Variants in AP2A2 observed in about 807,000 individuals in gnomAD.
AP2A2 encodes AP-2 complex subunit alpha-2.
AP2A2 carries 32 observed loss-of-function variants against 104.2 expected under a neutral mutation model. The ratio of observed to expected loss-of-function variants is 0.31; its 90% CI spans 0.23 to 0.41. AP2A2 has a LOEUF of 0.41. AP2A2 is among the 10% of genes least tolerant of loss of function. The pLI, the probability that AP2A2 is intolerant of heterozygous loss-of-function variation, is 1.00. For synonymous variants in AP2A2, 539 were observed against 533.3 expected (o/e 1.01, Z -0.15); for missense variants, 912 against 1,261.0 (o/e 0.72, Z 4.19).
intron 9 of AP2A2, among the ~76,000 whole-genome samples, chr11:987,661 A>G (rs1855508694): frequency 2.0e-5 from 3 of 152,210 alleles, no homozygotes; most frequent in African/African-American, 7.2e-5. Flanking sequence ...TCTCAAAAAA[A>G]AAAAAAAATT....
intron 1 of AP2A2, among the ~76,000 whole-genome samples, chr11:955,564 T>C (rs930978518): frequency 6.6e-6 from 1 of 152,096 alleles, no homozygotes; most frequent in African/African-American, 2.4e-5. Flanking sequence ...TGTGTCTGTG[T>C]TTTGTTAAAG....
chr11:1,009,669 GTTTC>G lies in AP2A2; in HGVS notation c.2608-10_2608-7del. ...CCCGCGCCAGGGTCCTCATTCTCCT[GTTTC>G]TTTGGACAGATCATTGGATTTGGTT... On this transcript the variant is annotated splice_polypyrimidine_tract_variant and intron_variant, in intron 20 of 21. Transcript: ENST00000448903. 6.4e-7 allele frequency: 1 copy of G among 1,557,550 alleles called. No homozygotes were observed. Among genetic ancestry groups the G allele is most frequent in the Non-Finnish European group, 8.7e-7 (1 of 1,146,060 alleles).
Position 985,568 on chromosome 11 carries a change from CATTCACCATGACAGGTGTGTCGG to C in AP2A2, c.949_962+9del, listed in dbSNP as rs1855424423. The stretch of plus-strand genomic sequence containing the variant: ...TGCTCTTCGAGGCCATCAGCTTAAT[CATTCACCATGACAGGTGTGTCGG>C]CTGCCTGTGGAGAGGCTTCGTCTCG... On this transcript the variant is annotated splice_donor_variant and splice_donor_5th_base_variant and coding_sequence_variant and intron_variant, in exon 8 of 22. Coordinates refer to ENST00000448903, the MANE Select transcript of AP2A2 (RefSeq NM_012305.4). LOFTEE classifies it high-confidence loss of function. 6.2e-7 allele frequency: 1 copy of C among 1,613,884 alleles called. No individual in the cohort carries two copies.
chr11:1,010,252 CT>C (rs1856375682), intron 21 of AP2A2: 1 of 531,796 alleles, frequency 1.9e-6, no homozygotes, highest in Admixed American at 3.2e-5. Context: ...CCCAGGAGTG[CT>C]GCTGTCGCCC....
In AP2A2 at chr11:1,011,353, T is replaced by G; in HGVS notation, c.*728T>G. 1 of 518,228 alleles carries G rather than the reference T, an allele frequency of 1.9e-6. No individual in the cohort carries two copies. The highest frequency in any genetic ancestry group is 3.9e-6 in the Non-Finnish European group (1 of 259,706). The allele number at this position is 518,228 out of a possible 1,614,324, so 32.1% of individuals were successfully genotyped here. On this transcript the variant is annotated 3_prime_UTR_variant, in exon 22 of 22. Coordinates refer to ENST00000448903, the MANE Select transcript of AP2A2 (RefSeq NM_012305.4). ...CCGCAGGGCCCCCAGGACTCCAGGGTAAAGTGTGGGCCGGTGGCGCAAGAC... is the reference window on the plus strand; with the variant it reads ...CCGCAGGGCCCCCAGGACTCCAGGGGAAAGTGTGGGCCGGTGGCGCAAGAC...
At chr11:978,290 G>A (rs1467348959) in intron 5 of AP2A2, among the ~76,000 whole-genome samples, 1 of 152,132 alleles carries the variant, frequency 6.6e-6, no homozygotes, top group African/African-American at 2.4e-5. Flanking sequence ...ATCTGTGCAC[G>A]CTCTGTGGGA....
At chr11:1,001,539 C>G (rs1414389192) in intron 15 of AP2A2, 1 of 152,346 alleles carries the variant, frequency 6.6e-6, no homozygotes, top group Non-Finnish European at 1.5e-5. Flanking sequence ...TCATGTTGCA[C>G]GTGAGTTCTG....
chr11:963,909 AGC>A (rs1249440481), intron 2 of AP2A2, among the ~76,000 whole-genome samples: 1 of 152,230 alleles, frequency 6.6e-6, no homozygotes, highest in African/African-American at 2.4e-5. Flanking sequence ...TATAGGCATG[AGC>A]CACTGCACCT....
At chr11:937,013 A>G (rs1853481631) in intron 1 of AP2A2, among the ~76,000 whole-genome samples, 2 of 151,418 alleles carry the variant, frequency 1.3e-5, no homozygotes, top group South Asian at 4.2e-4. Flanking sequence ...CTTTATTTCT[A>G]TTTAATGTAT....
intron 6 of AP2A2, among the ~76,000 whole-genome samples, chr11:983,679 G>A (rs944229564): frequency 2.6e-5 from 4 of 152,146 alleles, no homozygotes; most frequent in South Asian, 2.1e-4. Context: ...CACCGCACCT[G>A]GCCTAGTCTC....
chr11:981,336 G>T, intron 6 of AP2A2, 37 bp downstream of exon 6: 1 of 1,488,396 alleles, frequency 6.7e-7, no homozygotes, highest in Non-Finnish European at 9.3e-7. Flanking sequence ...GTCAGGGTGG[G>T]TTTTGTCTTA....
rs1855480441 is a variant in AP2A2 at position 986,885 on chromosome 11, C to T, written c.1063C>T (p.Leu355=). The T allele has an allele frequency of 2.5e-6, 4 of 1,608,118 alleles. No homozygotes were observed. The highest frequency in any genetic ancestry group is 3.4e-6 in the Non-Finnish European group (4 of 1,177,720). ...RYLALESMCT[L]ASSEFSHEAV... ...CCTGGCCCTGGAGAGCATGTGCACG[C>T]TGGCCAGCTCTGAGTTCTCCCATGA... is the stretch of plus-strand genomic sequence containing the variant. Residue 355 remains leucine, a synonymous_variant, in exon 9 of 22, where the codon CTG becomes TTG. Transcript: ENST00000448903.
intron 1 of AP2A2, among the ~76,000 whole-genome samples, chr11:950,105 A>G (rs1853995540): frequency 6.6e-6 from 1 of 152,172 alleles, no homozygotes; most frequent in Non-Finnish European, 1.5e-5. Flanking sequence ...AGGAGTGCCA[A>G]GATAATTCAA....
Position 968,874 on chromosome 11 carries a change from G to T in AP2A2, c.137-1295G>T, listed in dbSNP as rs115508442. 0.027 allele frequency among the ~76,000 whole-genome samples: 4,170 copies of T among 152,262 alleles called. 207 individuals are homozygous for T. The highest frequency in any genetic ancestry group is 0.095 in the African/African-American group (3,945 of 41,528). On this transcript the variant is annotated intron_variant, in intron 2 of 21. Transcript: ENST00000448903. The surrounding 1 kb of genome is among the most constrained non-coding windows in gnomAD (Gnocchi z 4.2). ...ATGTTAATTTGCCGCTGACAAGGAG[G>T]GGGGTTTCTCATGAGCTCCTCAGAG...
intron 3 of AP2A2, among the ~76,000 whole-genome samples, chr11:971,750 C>T (rs765802099): frequency 5.3e-5 from 8 of 152,194 alleles, no homozygotes; most frequent in South Asian, 2.1e-4. Context: ...CACTCAGACG[C>T]GTGGCCCACA....
intron 6 of AP2A2, 191 bp downstream of exon 6, chr11:981,490 T>C: frequency 1.8e-6 from 1 of 568,420 alleles, no homozygotes; most frequent in Admixed American, 3.2e-5. Context: ...CCTGTTCCCA[T>C]GGTGTGAGTG....
At chr11:957,117 A>G (rs950221628) in intron 1 of AP2A2, 2 of 152,204 alleles carry the variant, frequency 1.3e-5, no homozygotes, top group South Asian at 2.1e-4. Flanking sequence ...TTTGGATTCA[A>G]TTAGTTTGCT....
chr11:955,310 C>T (rs1187446865), intron 1 of AP2A2, among the ~76,000 whole-genome samples: 2 of 152,254 alleles, frequency 1.3e-5, no homozygotes, highest in Non-Finnish European at 2.9e-5. Context: ...GTGGCAGAAG[C>T]TCCCAAGACA....
intron 1 of AP2A2, among the ~76,000 whole-genome samples, chr11:944,141 C>G (rs115157634): frequency 6.6e-6 from 1 of 152,088 alleles, no homozygotes; most frequent in African/African-American, 2.4e-5. Flanking sequence ...GCGGACAGGT[C>G]GACAGGATGG....
Sources: gnomAD v4.1 joint callset for allele counts (sites outside exome capture counted in the v4.1 genomes callset) on GRCh38, gnomAD v4.1.1 for gene constraint, Gnocchi (gnomAD v3.1) non-coding constraint, MANE v1.5 for transcripts, NCBI Gene and HGNC (gene_info 2026-07-23, HGNC 2026-07-21) for gene names.